MEG3: variants seen among roughly 807,000 people sequenced by gnomAD.
MEG3 encodes the protein Very putative protein from MEG3 locus.
intron 2 of MEG3, among the ~76,000 whole-genome samples, chr14:100,842,869 C>T (rs982853363): frequency 2.0e-5 from 3 of 152,194 alleles, no homozygotes; most frequent in East Asian, 1.9e-4. Context: ...TCACTGCACG[C>T]ACTTATGAGG....
At chr14:100,853,304 T>C (rs2140001158), upstream of MEG3, 1 of 152,326 alleles carries the variant, frequency 6.6e-6, no homozygotes, top group Admixed American at 6.5e-5. Flanking sequence ...CTTGGCCTCC[T>C]CTTGTGACTC....
At chr14:100,836,475 C>G (rs1314732079) in intron 2 of MEG3, among the ~76,000 whole-genome samples, 2 of 152,132 alleles carry the variant, frequency 1.3e-5, no homozygotes, top group African/African-American at 2.4e-5. Context: ...GGAGTGGAGA[C>G]CCTTGCTATA....
chr14:100,829,228 C>T (rs1444843883), downstream of MEG3: 1 of 152,248 alleles, frequency 6.6e-6, no homozygotes, highest in African/African-American at 2.4e-5. Context: ...TATGCTCATA[C>T]TTTGACTCTA....
intron 2 of MEG3, among the ~76,000 whole-genome samples, chr14:100,838,639 G>T (rs879833727): frequency 1.2e-4 from 18 of 152,146 alleles, no homozygotes; most frequent in Non-Finnish European, 1.9e-4. Context: ...AGGGCGGTGA[G>T]GGGTCTCTGG....
chr14:100,842,479 C>T (rs2037789377), intron 2 of MEG3, among the ~76,000 whole-genome samples: 1 of 152,100 alleles, frequency 6.6e-6, no homozygotes, highest in Non-Finnish European at 1.5e-5. Context: ...CTGTAATGTC[C>T]AGGGCCCCGG....
rs533175216 is a variant in MEG3 at position 100,837,544 on chromosome 14, C to T, written n.3045+1244C>T. 9.2e-5 allele frequency among the ~76,000 whole-genome samples: 14 copies of T among 152,074 alleles called. No individual in the cohort carries two copies. The highest frequency in any genetic ancestry group is 1.9e-4 in the East Asian group (1 of 5,162). On this transcript the variant is annotated intron_variant and non_coding_transcript_variant, in intron 2 of 3. Transcript: ENST00000398461. This position sits in a 1 kb window ranked among gnomAD's most constrained non-coding sequence, Gnocchi z 5.8. Reference sequence around the variant, plus strand: ...CCAGATGCCAATACTCCCCTCTGGACGCCCACGAATGGGGTCTCTGAGAAG... The same window carrying T: ...CCAGATGCCAATACTCCCCTCTGGATGCCCACGAATGGGGTCTCTGAGAAG...
At chr14:100,841,638 CGG>C (rs71113293) in intron 2 of MEG3, among the ~76,000 whole-genome samples, 106 of 151,762 alleles carry the variant, frequency 7.0e-4, no homozygotes, top group African/African-American at 2.4e-3. Context: ...CCTGTGTGGT[CGG>C]GGGGGGTCAC....
At chr14:100,843,988 T>C (rs2037838473) in intron 2 of MEG3, among the ~76,000 whole-genome samples, 2 of 151,870 alleles carry the variant, frequency 1.3e-5, no homozygotes, top group Non-Finnish European at 2.9e-5. Flanking sequence ...CATAGGCACA[T>C]ACCACCACGC....
chr14:100,839,583 C>G (rs2037690475), intron 2 of MEG3, among the ~76,000 whole-genome samples: 2 of 152,114 alleles, frequency 1.3e-5, no homozygotes, highest in South Asian at 2.1e-4. Flanking sequence ...CCCACAGGTT[C>G]TTGGGGGAGT....
Position 100,840,405 on chromosome 14 carries a change from C to T in MEG3, n.3045+4105C>T, listed in dbSNP as rs556935422. The stretch of plus-strand genomic sequence containing the variant: ...CCGAGAGGAATGTGGGGGAGCCCCC[C>T]GTGGGGAACAGCCACCTGGGGATAA... On this transcript the variant is annotated intron_variant and non_coding_transcript_variant, in intron 2 of 3. Coordinates refer to the MEG3 transcript ENST00000398461. 7.9e-5 allele frequency among the ~76,000 whole-genome samples: 12 copies of T among 152,272 alleles called. No homozygotes were observed. In the South Asian group the frequency reaches 1.2e-3, roughly 16 times the overall value.
intron 3 of MEG3, chr14:100,851,189 T>C (rs945714003): frequency 1.3e-5 from 2 of 152,308 alleles, no homozygotes; most frequent in Non-Finnish European, 2.9e-5. Context: ...ACCCCATCTA[T>C]GGCCTGGATA....
At chr14:100,846,485 C>T (rs890396252) in intron 3 of MEG3, 3 of 152,194 alleles carry the variant, frequency 2.0e-5, no homozygotes, top group Non-Finnish European at 4.4e-5. Context: ...GCTGTGTGTA[C>T]CTTGGTTGGT....
downstream of MEG3, chr14:100,832,560 G>A (rs2037427355): frequency 6.6e-6 from 1 of 152,640 alleles, no homozygotes; most frequent in Admixed American, 6.5e-5. Context: ...CGTTAATGAG[G>A]TTAGCTGCTG....
intron 2 of MEG3, among the ~76,000 whole-genome samples, chr14:100,836,574 A>T (rs1023679363): frequency 1.3e-5 from 2 of 151,634 alleles, no homozygotes; most frequent in African/African-American, 4.8e-5. Flanking sequence ...TCCACTCTAG[A>T]CCCCCGAGAG....
exon 1 of MEG3, chr14:100,834,844 T>A: frequency 4.4e-6 from 2 of 456,228 alleles, no homozygotes. Context: ...GTGGAATTCA[T>A]TTTTGAGAGG....
chr14:100,842,668 G>C, intron 2 of MEG3, among the ~76,000 whole-genome samples: 1 of 152,276 alleles, frequency 6.6e-6, no homozygotes, highest in Middle Eastern at 3.4e-3. Flanking sequence ...CATCCTTTTA[G>C]GTCCTTTTGT....
upstream of MEG3, chr14:100,853,539 T>G (rs2038151660): frequency 6.6e-6 from 1 of 152,068 alleles, no homozygotes; most frequent in Non-Finnish European, 1.5e-5. Flanking sequence ...TGAGCATCCC[T>G]TCTTTAAAAA....
chr14:100,860,454 C>A (rs1014598101), intron 1 of MEG3: 8 of 358,438 alleles, frequency 2.2e-5, no homozygotes, highest in African/African-American at 1.7e-4. Context: ...CCAGAAGTTT[C>A]TGCAAGTGGG....
chr14:100,834,451 G>A (rs770893213), exon 1 of MEG3: 60 of 300,614 alleles, frequency 2.0e-4, no homozygotes, highest in African/African-American at 1.3e-3. Flanking sequence ...AACTCCCCAC[G>A]TCCCCATCCT....
Sources: allele counts gnomAD v4.1 joint callset (sites outside exome capture counted in the v4.1 genomes callset), GRCh38; gene constraint gnomAD v4.1.1; non-coding constraint Gnocchi (gnomAD v3.1); transcripts MANE v1.5; gene names NCBI Gene and HGNC (gene_info 2026-07-23, HGNC 2026-07-21).